FAT3: variants seen among roughly 807,000 people sequenced by gnomAD.
FAT3 encodes the protein FAT atypical cadherin 3, also known as protocadherin Fat 3.
In FAT3, 95 loss-of-function variants were observed where a neutral mutation model predicts 310.2. The observed-to-expected ratio is 0.31, with a 90% CI of 0.26 to 0.36. The LOEUF is 0.36. Among genes scored for constraint, FAT3 ranks in the 10% least tolerant of loss-of-function variants. FAT3 has a pLI of 1.00. For synonymous variants in FAT3, 2,314 were observed against 2,192.9 expected (o/e 1.06, Z -1.54); for missense variants, 5,408 against 5,715.6 (o/e 0.95, Z 1.74).
At chr11:92,428,037 T>A (rs771421517) in intron 2 of FAT3, among the ~76,000 whole-genome samples, 38 of 152,148 alleles carry the variant, frequency 2.5e-4, no homozygotes, top group Admixed American at 6.6e-4. Flanking sequence ...TATTAGTTAC[T>A]GCTTCAATTT....
rs75409687 is a variant in FAT3 at position 92,255,427 on chromosome 11, C to T, written c.-18+30253C>T. 4.0e-3 allele frequency among the ~76,000 whole-genome samples: 606 copies of T among 151,586 alleles called. 3 individuals are homozygous for T. Among genetic ancestry groups the T allele is most frequent in the African/African-American group, 0.014 (585 of 41,284 alleles). ...ATTTGTCTACCTCATTGGATACTCA[C>T]TCCCTAGCACAGTCCTTGCCACAGA... On this transcript the variant is annotated intron_variant, in intron 1 of 27. Coordinates refer to ENST00000525166, the MANE Select transcript of FAT3 (RefSeq NM_001367949.2).
chr11:92,560,568 A>G (rs571807547), intron 3 of FAT3, among the ~76,000 whole-genome samples: 259 of 152,188 alleles, frequency 1.7e-3, no homozygotes, highest in Middle Eastern at 6.8e-3. Flanking sequence ...GTTCTAAGAT[A>G]TATTTTTCTT....
At chr11:92,245,708 T>C (rs1301323296) in intron 1 of FAT3, among the ~76,000 whole-genome samples, 3 of 152,094 alleles carry the variant, frequency 2.0e-5, no homozygotes, top group Non-Finnish European at 4.4e-5. Flanking sequence ...ATAAACAATA[T>C]ATGAATGAAG....
At chr11:92,487,466 T>A (rs1952450091) in intron 2 of FAT3, among the ~76,000 whole-genome samples, 1 of 152,188 alleles carries the variant, frequency 6.6e-6, no homozygotes, top group Admixed American at 6.5e-5. Flanking sequence ...AAGAACTGAA[T>A]CCCACAGATG....
In FAT3 at chr11:92,352,949, G is replaced by T. The variant is rs755183364; in HGVS notation, c.837G>T (p.Glu279Asp). The change falls in exon 2 of 28, where the codon GAG (glutamate) becomes GAT (aspartate). Residue 279 changes from glutamate to aspartate, a missense_variant. Physicochemically the swap from Glu to Asp is conservative, Grantham distance 45. Coordinates refer to ENST00000525166, the MANE Select transcript of FAT3 (RefSeq NM_001367949.2). ...ATGTTCCTTTCTCGTTGGAAAAAGAGCCAACATATGCAGTGGTGACAGTTG... is the reference window on the plus strand; with the variant it reads ...ATGTTCCTTTCTCGTTGGAAAAAGATCCAACATATGCAGTGGTGACAGTTG... ...VTHVPFSLEK[E>D]PTYAVVTVDD... 5.0e-6 allele frequency: 8 copies of T among 1,613,860 alleles called. No individual in the cohort carries two copies. The South Asian group carries it at 7.7e-5, about 16-fold the overall frequency.
At chr11:92,497,135 T>C (rs1281024013) in intron 2 of FAT3, among the ~76,000 whole-genome samples, 1 of 152,054 alleles carries the variant, frequency 6.6e-6, no homozygotes, top group African/African-American at 2.4e-5. Flanking sequence ...CTAGTTTCCA[T>C]AGACGCCTGG....
At chr11:92,679,036 G>A (rs118035512) in intron 3 of FAT3, among the ~76,000 whole-genome samples, 2,457 of 151,898 alleles carry the variant, frequency 0.016, 29 homozygotes, top group Middle Eastern at 0.031. Flanking sequence ...TCATTTAATC[G>A]TGCAAACATG....
intron 1 of FAT3, among the ~76,000 whole-genome samples, chr11:92,320,041 G>A (rs934967410): frequency 1.3e-5 from 2 of 152,196 alleles, no homozygotes; most frequent in Non-Finnish European, 2.9e-5. Flanking sequence ...GGTTATTGCA[G>A]TAGTTCCCAA....
intron 3 of FAT3, among the ~76,000 whole-genome samples, chr11:92,661,882 C>A (rs1942795606): frequency 6.6e-6 from 1 of 152,022 alleles, no homozygotes; most frequent in African/African-American, 2.4e-5. Flanking sequence ...TACAAAGAAT[C>A]TTTGTGTTTT....
intron 7 of FAT3, among the ~76,000 whole-genome samples, chr11:92,778,814 C>T (rs1371484951): frequency 6.6e-6 from 1 of 152,128 alleles, no homozygotes; most frequent in Non-Finnish European, 1.5e-5. Flanking sequence ...GGCTCCCCAG[C>T]TCTGTCACCG....
At chr11:92,279,186 G>A (rs1399881753) in intron 1 of FAT3, among the ~76,000 whole-genome samples, 4 of 152,116 alleles carry the variant, frequency 2.6e-5, no homozygotes, top group African/African-American at 9.7e-5. Context: ...AGGATATGCA[G>A]TTTTATTTAA....
chr11:92,227,071 C>T (rs1347096967), intron 1 of FAT3, among the ~76,000 whole-genome samples: 2 of 152,206 alleles, frequency 1.3e-5, no homozygotes, highest in South Asian at 2.1e-4. Flanking sequence ...TGGGCAGTGC[C>T]TGGGGAGGTG....
At chr11:92,715,241 T>TA (rs760806391) in intron 4 of FAT3, among the ~76,000 whole-genome samples, 2,131 of 116,292 alleles carry the variant, frequency 0.018, 49 homozygotes, top group African/African-American at 0.058. Context: ...CCGTCTCCAC[T>TA]AAAAAAAAAA....
intron 1 of FAT3, among the ~76,000 whole-genome samples, chr11:92,330,546 A>G (rs371377363): frequency 1.3e-5 from 2 of 152,196 alleles, no homozygotes; most frequent in African/African-American, 4.8e-5. Flanking sequence ...GCAAAGTCAG[A>G]GAGTTTAAGT....
chr11:92,590,177 C>G (rs910578571), intron 3 of FAT3, among the ~76,000 whole-genome samples: 10 of 152,026 alleles, frequency 6.6e-5, no homozygotes, highest in African/African-American at 2.4e-4. Context: ...GGAAGTTACT[C>G]ATAAGTGGTA....
chr11:92,815,580 A>C (rs543923672), intron 13 of FAT3, among the ~76,000 whole-genome samples: 2 of 152,200 alleles, frequency 1.3e-5, no homozygotes, highest in East Asian at 1.9e-4. Context: ...CTCAAAAAAA[A>C]ACCAAGTAAA....
At chr11:92,483,824 C>A (rs1376436804) in intron 2 of FAT3, among the ~76,000 whole-genome samples, 2 of 152,174 alleles carry the variant, frequency 1.3e-5, no homozygotes, top group African/African-American at 2.4e-5. Flanking sequence ...CCATTTATTG[C>A]ATTTATGTAT....
intron 3 of FAT3, among the ~76,000 whole-genome samples, chr11:92,590,399 C>T (rs913799305): frequency 4.6e-5 from 7 of 152,070 alleles, no homozygotes; most frequent in African/African-American, 1.7e-4. Flanking sequence ...CAGCACCTGG[C>T]TGTGTTTGGA....
At chr11:92,311,647 C>A (rs2134456966) in intron 1 of FAT3, among the ~76,000 whole-genome samples, 1 of 152,244 alleles carries the variant, frequency 6.6e-6, no homozygotes, top group South Asian at 2.1e-4. Flanking sequence ...AGACAAGAAG[C>A]AATCTGGGTG....
Sources: allele counts gnomAD v4.1 joint callset (sites outside exome capture counted in the v4.1 genomes callset), GRCh38; gene constraint gnomAD v4.1.1; transcripts MANE v1.5; gene names NCBI Gene and HGNC (gene_info 2026-07-23, HGNC 2026-07-21).